The following TUBD1 variants were observed in gnomAD, a reference collection of about 807,000 sequenced individuals.
The protein encoded by TUBD1 is tubulin delta chain.
In TUBD1, 38 loss-of-function variants were observed where a neutral mutation model predicts 51.2. The observed-to-expected ratio is 0.74, with a 90% CI of 0.57 to 0.97. The LOEUF (loss-of-function observed/expected upper bound fraction) is 0.97. Ranked by LOEUF, TUBD1 falls within the 50% of genes least tolerant of loss-of-function variation. The pLI, the probability that TUBD1 is intolerant of heterozygous loss-of-function variation, is 0.00. For missense variants in TUBD1, 489 were observed against 538.4 expected (o/e 0.91, Z 0.91); for synonymous variants, 169 against 178.2 (o/e 0.95, Z 0.41).
intron 4 of TUBD1, among the ~76,000 whole-genome samples, chr17:59,878,999 G>T (rs1291851960): frequency 6.6e-6 from 1 of 152,112 alleles, no homozygotes; most frequent in African/African-American, 2.4e-5. Flanking sequence ...TTCAAGCTGG[G>T]AGCGGTAGCT....
intron 3 of TUBD1, among the ~76,000 whole-genome samples, chr17:59,884,149 T>C (rs1227423340): frequency 1.3e-5 from 2 of 151,620 alleles, no homozygotes; most frequent in Non-Finnish European, 2.9e-5. Flanking sequence ...TAGTCCTACC[T>C]ACTCGGGAGA....
chr17:59,871,518 C>T (rs751765878), intron 6 of TUBD1, among the ~76,000 whole-genome samples: 4 of 151,944 alleles, frequency 2.6e-5, no homozygotes, highest in Non-Finnish European at 5.9e-5. Flanking sequence ...TATTTGTAGC[C>T]TCAAACATTT....
At chr17:59,880,678 C>T (rs2040443348) in intron 4 of TUBD1, among the ~76,000 whole-genome samples, 1 of 151,500 alleles carries the variant, frequency 6.6e-6, no homozygotes, top group Admixed American at 6.6e-5. Context: ...CCACGCCTGG[C>T]TAATTTTTTG....
rs772128200 is a variant in TUBD1, at chr17:59,866,751, T to TAC, written c.935-4_935-3dup. ...GAGGCCATACATGCCTATCAATACC[T>TAC]ACCAAAAGAAAAAAAAAGCAAGAGG... On this transcript the variant is annotated splice_region_variant and splice_polypyrimidine_tract_variant and intron_variant, in intron 6 of 8. Transcript: ENST00000325752. 7.6e-6 allele frequency: 12 copies of TAC among 1,583,016 alleles called. No individual in the cohort carries two copies. Among genetic ancestry groups the TAC allele is most frequent in the Non-Finnish European group, 1.0e-5 (12 of 1,171,608 alleles).
intron 2 of TUBD1, among the ~76,000 whole-genome samples, chr17:59,889,668 CAAAAAAAA>C (rs1195587619): frequency 5.5e-5 from 3 of 54,178 alleles, no homozygotes; most frequent in Admixed American, 2.2e-4. Flanking sequence ...GACTCTGTCT[CAAAAAAAA>C]AAAAAAAAAA....
intron 1 of TUBD1, among the ~76,000 whole-genome samples, chr17:59,892,225 A>G (rs1173423631): frequency 6.6e-6 from 1 of 152,164 alleles, no homozygotes; most frequent in Non-Finnish European, 1.5e-5. Flanking sequence ...AGCAAGAAAG[A>G]TGCAGCTTGG....
Position 59,859,951 on chromosome 17 carries a change from A to C in TUBD1, c.*371T>G, listed in dbSNP as rs994827971. The C allele has an allele frequency of 6.5e-6, 1 of 154,250 alleles. No individual in the cohort carries two copies. The highest frequency in any genetic ancestry group is 1.4e-5 in the Non-Finnish European group (1 of 69,460). The allele number at this position is 154,250 out of a possible 1,614,324, so 9.6% of individuals were successfully genotyped here. The stretch of plus-strand genomic sequence containing the variant: ...AGTTTTCTTCCTTTTCTGTGGGCAT[A>C]GTATGCAGAATAGACTCAGCATTCT... On this transcript the variant is annotated 3_prime_UTR_variant, in exon 9 of 9. Coordinates refer to ENST00000325752, the MANE Select transcript of TUBD1 (RefSeq NM_016261.4).
Position 59,881,001 on chromosome 17 carries a change from C to CA in TUBD1, c.429dup (p.Gly144TrpfsTer36), listed in dbSNP as rs1240065016. On this transcript the variant is annotated frameshift_variant, in exon 4 of 9. Transcript: ENST00000325752. LOFTEE classifies it high-confidence loss of function. Reference sequence around the variant, plus strand: ...GCTCCTAATCCTGATCCTGTGCCCCCAGCCATACTCATTATGATGAAAAAA... The same window carrying CA: ...GCTCCTAATCCTGATCCTGTGCCCCCAAGCCATACTCATTATGATGAAAAAA... The CA allele has an allele frequency of 1.2e-6, 2 of 1,614,110 alleles. No individual in the cohort carries two copies. Among genetic ancestry groups the CA allele is most frequent in the South Asian group, 2.2e-5 (2 of 91,082 alleles).
chr17:59,891,188 T>C (rs1454309789), intron 1 of TUBD1, 147 bp from the exon 2 acceptor site: 2 of 518,616 alleles, frequency 3.9e-6, no homozygotes, highest in Non-Finnish European at 6.7e-6. Flanking sequence ...TAGAGTGCAG[T>C]GGCATGTTCT....
intron 5 of TUBD1, among the ~76,000 whole-genome samples, chr17:59,875,095 G>A (rs1279943685): frequency 1.0e-4 from 4 of 38,178 alleles, no homozygotes; most frequent in African/African-American, 5.3e-4. Context: ...TTTTTTTTTT[G>A]GGATGGAGTC....
In TUBD1 at chr17:59,868,564, G is replaced by A. The variant is rs534733198; in HGVS notation, c.935-1815C>T. Among the ~76,000 whole-genome samples, 5 of 152,176 alleles carry A rather than the reference G, an allele frequency of 3.3e-5. No homozygotes were observed. The South Asian group carries it at 8.3e-4, about 25-fold the overall frequency. ...AAAAGAAATAACAAAATTAGGCCAG[G>A]TGCAGTGGCTCATGCCTGTAATCCC... On this transcript the variant is annotated intron_variant, in intron 6 of 8. Coordinates refer to ENST00000325752, the MANE Select transcript of TUBD1 (RefSeq NM_016261.4).
intron 6 of TUBD1, among the ~76,000 whole-genome samples, chr17:59,867,931 G>A (rs1234826083): frequency 1.3e-5 from 2 of 151,556 alleles, no homozygotes; most frequent in Non-Finnish European, 2.9e-5. Context: ...TAACCAAAAG[G>A]ATGTTGCAGA....
chr17:59,879,822 C>T (rs1294900471), intron 4 of TUBD1, among the ~76,000 whole-genome samples: 1 of 150,860 alleles, frequency 6.6e-6, no homozygotes, highest in African/African-American at 2.4e-5. Context: ...GGCTTGATCT[C>T]GGCTCACTGG....
chr17:59,882,766 A>C (rs1357971482), intron 3 of TUBD1, among the ~76,000 whole-genome samples: 1 of 151,618 alleles, frequency 6.6e-6, no homozygotes, highest in East Asian at 1.9e-4. Context: ...AAGAGCATGT[A>C]ACCATCCCTG....
Position 59,860,377 on chromosome 17 carries a change from A to C in TUBD1, c.1307T>G (p.Phe436Cys). ...CTCTAATGACGTGAAACTGTCTAAAAAGTCCTCTTCTTCGATTCCAAATTT... is the reference window on the plus strand; with the variant it reads ...CTCTAATGACGTGAAACTGTCTAAACAGTCCTCTTCTTCGATTCCAAATTT... ...YTKFGIEEED[F>C]LDSFTSLEQV... The change falls in exon 9 of 9, where the codon TTT becomes TGT. Residue 436 changes from phenylalanine (F) to cysteine (C), a missense_variant. Phe to Cys is a radical substitution (Grantham distance 205, BLOSUM62 -2). Transcript: ENST00000325752. The C allele has an allele frequency of 6.2e-7, 1 of 1,613,514 alleles. No homozygotes were observed. The highest frequency in any genetic ancestry group is 1.1e-5 in the South Asian group (1 of 91,020).
intron 7 of TUBD1, 33 bp from the exon 8 acceptor site, chr17:59,863,880 T>C (rs766535867): frequency 5.1e-6 from 7 of 1,372,610 alleles, no homozygotes; most frequent in Non-Finnish European, 6.7e-6. Context: ...CGTCTTTTTA[T>C]AGCATAAATT....
intron 5 of TUBD1, among the ~76,000 whole-genome samples, chr17:59,876,393 T>C (rs1398674405): frequency 2.0e-5 from 3 of 151,316 alleles, no homozygotes; most frequent in Non-Finnish European, 4.4e-5. Flanking sequence ...TTCGCTCTTA[T>C]TGCTCAGGCT....
intron 2 of TUBD1, 131 bp from the exon 3 acceptor site, chr17:59,886,361 G>C: frequency 1.1e-6 from 1 of 949,552 alleles, no homozygotes; most frequent in South Asian, 1.8e-5. Context: ...TGGTTAGAAA[G>C]ATCTGTCGTA....
intron 7 of TUBD1, 40 bp downstream of exon 7, chr17:59,866,569 G>A: frequency 6.2e-7 from 1 of 1,609,636 alleles, no homozygotes; most frequent in Non-Finnish European, 8.5e-7. Flanking sequence ...GCATGTACAG[G>A]TACAAAATGT....
Sources: gnomAD v4.1 joint callset for allele counts (sites outside exome capture counted in the v4.1 genomes callset) on GRCh38, gnomAD v4.1.1 for gene constraint, MANE v1.5 for transcripts, NCBI Gene and HGNC (gene_info 2026-07-23, HGNC 2026-07-21) for gene names.